The following ZNG1E variants were observed in gnomAD, a reference collection of about 807,000 sequenced individuals.
The protein encoded by ZNG1E is zinc-regulated GTPase metalloprotein activator 1E.
chr9:65,669,510 G>T, the ZNG1E span, among the ~76,000 whole-genome samples: 1 of 149,376 alleles, frequency 6.7e-6, no homozygotes, highest in South Asian at 2.2e-4. Context: ...TTTTCATTTT[G>T]CCCAACCTCC....
At chr9:65,712,775 G>C in the ZNG1E span, among the ~76,000 whole-genome samples, 1 of 32,142 alleles carries the variant, frequency 3.1e-5, no homozygotes, top group African/African-American at 1.4e-4. Context: ...TTACTTCCAA[G>C]TATGTGGTCA....
the ZNG1E span, among the ~76,000 whole-genome samples, chr9:65,660,273 C>T: frequency 1.6e-5 from 2 of 121,586 alleles, 1 homozygote; most frequent in South Asian, 4.8e-4. Flanking sequence ...ATTTAAGCAA[C>T]TTTTTAAGAG....
At chr9:65,722,494 T>A in the ZNG1E span, among the ~76,000 whole-genome samples, 1 of 78,348 alleles carries the variant, frequency 1.3e-5, no homozygotes, top group African/African-American at 5.4e-5. Flanking sequence ...AGTGTACAAT[T>A]CAATGTTTGG....
chr9:65,691,351 G>C, the ZNG1E span, among the ~76,000 whole-genome samples: 3 of 149,462 alleles, frequency 2.0e-5, no homozygotes, highest in Non-Finnish European at 2.9e-5. Context: ...CCAAAGTGCT[G>C]GGATTACAGG....
the ZNG1E span, among the ~76,000 whole-genome samples, chr9:65,674,016 A>G: frequency 2.6e-5 from 4 of 152,228 alleles, no homozygotes; most frequent in African/African-American, 9.7e-5. Context: ...CAAAAAAATC[A>G]ATACTTCATA....
chr9:65,714,886 C>G, the ZNG1E span, among the ~76,000 whole-genome samples: 1 of 151,928 alleles, frequency 6.6e-6, no homozygotes, highest in Non-Finnish European at 1.5e-5. Flanking sequence ...GTGGAGCCTA[C>G]AGAGGCAGGC....
the ZNG1E span, chr9:65,675,776 C>A: frequency 1.4e-6 from 1 of 699,826 alleles, no homozygotes; most frequent in Non-Finnish European, 2.3e-6. Context: ...CGGGGAGAGC[C>A]CACCTCCCCG....
the ZNG1E span, among the ~76,000 whole-genome samples, chr9:65,722,684 C>A: frequency 1.7e-4 from 11 of 63,780 alleles, no homozygotes; most frequent in African/African-American, 6.2e-4. Flanking sequence ...GCATGTACCA[C>A]CATGCCTAGC....
At chr9:65,666,996 T>A in the ZNG1E span, among the ~76,000 whole-genome samples, 8 of 151,874 alleles carry the variant, frequency 5.3e-5, no homozygotes, top group Non-Finnish European at 1.0e-4. Context: ...GATTTTTGTA[T>A]TATTAGTAGG....
the ZNG1E span, among the ~76,000 whole-genome samples, chr9:65,656,733 G>T: frequency 1.3e-5 from 2 of 152,294 alleles, no homozygotes; most frequent in Non-Finnish European, 2.9e-5. Flanking sequence ...GAAAATTTAT[G>T]GGAACATTTA....
At chr9:65,691,139 G>A in the ZNG1E span, 1 of 1,358,674 alleles carries the variant, frequency 7.4e-7, no homozygotes, top group African/African-American at 1.5e-5. Flanking sequence ...ATGGAGTGCA[G>A]TGGCATGATC....
the ZNG1E span, among the ~76,000 whole-genome samples, chr9:65,714,970 G>A: frequency 6.7e-6 from 1 of 150,270 alleles, no homozygotes; most frequent in African/African-American, 2.5e-5. Context: ...AGCAAGCCTG[G>A]GCAATGGCGG....
chr9:65,732,811 T>G, the ZNG1E span: 1 of 1,449,242 alleles, frequency 6.9e-7, no homozygotes, highest in Non-Finnish European at 9.0e-7. Flanking sequence ...TTTTTGAAAA[T>G]TAAAAACATT....
chr9:65,714,203 C>G, the ZNG1E span, among the ~76,000 whole-genome samples: 1 of 148,498 alleles, frequency 6.7e-6, no homozygotes, highest in Non-Finnish European at 1.5e-5. Context: ...GTTTTCAGCT[C>G]CATCAGCTCC....
At chr9:65,661,765 T>C in the ZNG1E span, among the ~76,000 whole-genome samples, 1 of 152,328 alleles carries the variant, frequency 6.6e-6, no homozygotes, top group South Asian at 2.1e-4. Flanking sequence ...GCTAAAGAGA[T>C]TAATTGTACA....
chr9:65,686,737 A>G, the ZNG1E span, among the ~76,000 whole-genome samples: 3 of 152,262 alleles, frequency 2.0e-5, no homozygotes, highest in Non-Finnish European at 1.5e-5. Context: ...TACAGCTTCT[A>G]TATCAGCATT....
At chr9:65,709,374 T>C in the ZNG1E span, among the ~76,000 whole-genome samples, 1 of 150,702 alleles carries the variant, frequency 6.6e-6, no homozygotes, top group African/African-American at 2.5e-5. Context: ...TATTATACTT[T>C]AAGGTTTAGG....
At chr9:65,662,345 G>A in the ZNG1E span, among the ~76,000 whole-genome samples, 2 of 152,214 alleles carry the variant, frequency 1.3e-5, no homozygotes, top group African/African-American at 4.8e-5. Flanking sequence ...GTGGGATTCT[G>A]GATTAGGTCT....
chr9:65,660,603 C>T, the ZNG1E span, among the ~76,000 whole-genome samples: 2,086 of 151,612 alleles, frequency 0.014, 6 homozygotes, highest in African/African-American at 0.048. Flanking sequence ...TTTACTAAGG[C>T]TAAATAAACA....
Sources: gnomAD v4.1 joint callset for allele counts (sites outside exome capture counted in the v4.1 genomes callset) on GRCh38, gnomAD v4.1.1 for gene constraint, MANE v1.5 for transcripts, NCBI Gene and HGNC (gene_info 2026-07-23, HGNC 2026-07-21) for gene names.